Variants in POLQ observed in about 807,000 individuals in gnomAD.
POLQ encodes epididymis secretory sperm binding protein.
Under a neutral mutation model 259.2 loss-of-function variants are expected in POLQ, and 233 were observed. The ratio of observed to expected loss-of-function variants is 0.90; its 90% CI spans 0.81 to 1.00. POLQ has a LOEUF of 1.00. POLQ is among the 50% of genes least tolerant of loss of function. POLQ has a pLI of 0.00. For missense variants in POLQ, 2,871 were observed against 3,051.6 expected, an observed-to-expected ratio of 0.94 and a Z score of 1.39; for synonymous variants, 1,025 against 1,048.8, an observed-to-expected ratio of 0.98 and a Z score of 0.44.
At position 121,487,536 on chromosome 3, in the gene POLQ, T is replaced by C. The variant is rs61734810; in HGVS notation, c.5395A>G (p.Ile1799Val). Residue 1799 changes from isoleucine (I) to valine (V), a missense_variant, in exon 16 of 30, where the codon ATT becomes GTT. By Grantham distance (29) the Ile-to-Val change is conservative. Coordinates refer to ENST00000264233, the MANE Select transcript of POLQ (RefSeq NM_199420.4). ...TGAAGTGAAAAGCTTGTGTCACTAA[T>C]AGGGCTGTTGTCTTTGAACCCATTT... is the stretch of plus-strand genomic sequence containing the variant. ...SRNGFKDNSP[I>V]SDTSFSLQLS... 1.2e-6 allele frequency: 2 copies of C among 1,614,070 alleles called. No homozygotes were observed. Among genetic ancestry groups the C allele is most frequent in the Non-Finnish European group, 1.7e-6 (2 of 1,179,936 alleles).
chr3:121,447,032 T>G (rs1187001256), intron 26 of POLQ, among the ~76,000 whole-genome samples: 2 of 149,258 alleles, frequency 1.3e-5, no homozygotes, highest in Non-Finnish European at 3.0e-5. Context: ...CTTTCTTTCC[T>G]TCATTCCTGT....
chr3:121,545,599 G>T, intron 1 of POLQ, 116 bp downstream of exon 1: 1 of 978,110 alleles, frequency 1.0e-6, no homozygotes, highest in Non-Finnish European at 1.5e-6. Flanking sequence ...GAGAAGGGGA[G>T]TAGAAGCCCA....
In POLQ at chr3:121,476,641, G is replaced by A. The variant is rs749132127; in HGVS notation, c.6304C>T (p.Gln2102Ter). Residue 2102 changes from glutamine (Q) to a stop codon, truncating the protein, a stop_gained, in exon 20 of 30, where the codon CAG (glutamine) becomes TAG (stop). Coordinates refer to ENST00000264233, the MANE Select transcript of POLQ (RefSeq NM_199420.4). LOFTEE classifies it high-confidence loss of function. ...AGCTTGGCTTGCATTATATGTTTCTGACTTTCACATTCTGCAGTACTAAAG... is the reference window on the plus strand; with the variant it reads ...AGCTTGGCTTGCATTATATGTTTCTAACTTTCACATTCTGCAGTACTAAAG... ...IGFSTAECES[Q>*]KHIMQAKLDA... is the part of the protein sequence containing the mutation. 5 of 1,613,712 alleles carry A rather than the reference G, an allele frequency of 3.1e-6. No individual in the cohort carries two copies. In the South Asian group the frequency reaches 3.3e-5, roughly 11 times the overall value.
intron 12 of POLQ, among the ~76,000 whole-genome samples, chr3:121,505,274 T>C (rs1013058444): frequency 1.3e-5 from 2 of 152,222 alleles, no homozygotes; most frequent in African/African-American, 4.8e-5. Flanking sequence ...CTGTGCTTCC[T>C]GTACAGCCTG....
chr3:121,492,668 C>T (rs1401961894), intron 15 of POLQ, among the ~76,000 whole-genome samples: 1 of 149,544 alleles, frequency 6.7e-6, no homozygotes, highest in African/African-American at 2.5e-5. Context: ...CACGATCTTA[C>T]TCTGTCACCC....
intron 24 of POLQ, among the ~76,000 whole-genome samples, chr3:121,464,374 A>C (rs916483941): frequency 2.6e-5 from 4 of 152,020 alleles, no homozygotes; most frequent in African/African-American, 4.8e-5. Flanking sequence ...TCTCTACCAA[A>C]AACAACAACA....
At chr3:121,502,913 C>G (rs1560101677) in intron 12 of POLQ, among the ~76,000 whole-genome samples, 1 of 151,490 alleles carries the variant, frequency 6.6e-6, no homozygotes, top group Non-Finnish European at 1.5e-5. Context: ...TTAAGCTGTA[C>G]CTGATAAACC....
chr3:121,498,872 G>C (rs1029505238), intron 12 of POLQ, among the ~76,000 whole-genome samples: 1 of 152,076 alleles, frequency 6.6e-6, no homozygotes, highest in African/African-American at 2.4e-5. Flanking sequence ...CTGCACTCTA[G>C]CTCAACTGAC....
At chr3:121,482,088 A>G (rs1340009864) in intron 18 of POLQ, among the ~76,000 whole-genome samples, 1 of 152,212 alleles carries the variant, frequency 6.6e-6, no homozygotes, top group Non-Finnish European at 1.5e-5. Context: ...GGCTTGAAAA[A>G]CAAGTGTGTC....
chr3:121,536,740 G>A (rs1350276064), intron 5 of POLQ, among the ~76,000 whole-genome samples: 1 of 152,132 alleles, frequency 6.6e-6, no homozygotes, highest in African/African-American at 2.4e-5. Context: ...GAACTCTTGG[G>A]CTTAAGTAAT....
At chr3:121,494,972 A>C in intron 14 of POLQ, 2 of 850,926 alleles carry the variant, frequency 2.4e-6, no homozygotes, top group Non-Finnish European at 3.6e-6. Flanking sequence ...TCAAAAAAAA[A>C]AAAAAAGCAT....
chr3:121,541,537 T>C (rs2048490179), intron 2 of POLQ, 58 bp from the exon 3 acceptor site: 1 of 1,466,028 alleles, frequency 6.8e-7, no homozygotes, highest in African/African-American at 1.4e-5. Flanking sequence ...GTACAATTCA[T>C]TAATAAATGT....
At chr3:121,496,989 C>A in intron 13 of POLQ, 57 bp from the exon 14 acceptor site, 1 of 1,578,914 alleles carries the variant, frequency 6.3e-7, no homozygotes, top group African/African-American at 1.4e-5. Context: ...CTAGGCGATA[C>A]AGTGTGTTGA....
intron 12 of POLQ, among the ~76,000 whole-genome samples, chr3:121,503,758 G>T (rs528242563): frequency 6.6e-6 from 1 of 152,138 alleles, no homozygotes; most frequent in African/African-American, 2.4e-5. Context: ...ATCATCTAGC[G>T]TAATTATAAT....
At chr3:121,472,275 G>A (rs1340717314) in intron 21 of POLQ, 111 bp from the exon 22 acceptor site, 6 of 498,784 alleles carry the variant, frequency 1.2e-5, no homozygotes, top group Admixed American at 3.6e-5. Context: ...GAGTAATATC[G>A]ACAACTCAAA....
At chr3:121,498,421 A>G (rs2048141288) in intron 13 of POLQ, 56 bp downstream of exon 13, 1 of 1,225,580 alleles carries the variant, frequency 8.2e-7, no homozygotes, top group South Asian at 1.6e-5. Flanking sequence ...CTGGGCGTCT[A>G]CTACATGCAA....
intron 24 of POLQ, among the ~76,000 whole-genome samples, chr3:121,461,956 T>C (rs575442790): frequency 6.6e-5 from 10 of 152,264 alleles, no homozygotes; most frequent in African/African-American, 2.4e-4. Context: ...AGATAAATAC[T>C]AATTTAAAAT....
intron 25 of POLQ, among the ~76,000 whole-genome samples, chr3:121,454,533 G>C (rs1184979071): frequency 6.6e-6 from 1 of 152,130 alleles, no homozygotes; most frequent in African/African-American, 2.4e-5. Context: ...AAAGGATGGA[G>C]GAAGATCTAC....
At chr3:121,523,360 T>A (rs1472232698) in intron 7 of POLQ, among the ~76,000 whole-genome samples, 1 of 152,196 alleles carries the variant, frequency 6.6e-6, no homozygotes, top group Non-Finnish European at 1.5e-5. Flanking sequence ...TACTTATATG[T>A]TGTCTTTAAA....
Sources: allele counts gnomAD v4.1 joint callset (sites outside exome capture counted in the v4.1 genomes callset), GRCh38; gene constraint gnomAD v4.1.1; transcripts MANE v1.5; gene names NCBI Gene and HGNC (gene_info 2026-07-23, HGNC 2026-07-21).